PHF3: variants seen among roughly 807,000 people sequenced by gnomAD.
The protein encoded by PHF3 is PHD finger protein 3.
PHF3 carries 41 observed loss-of-function variants against 178.4 expected under a neutral mutation model. The observed-to-expected ratio is 0.23, with a 90% CI of 0.18 to 0.30. The LOEUF (loss-of-function observed/expected upper bound fraction) is 0.30. Ranked by LOEUF, PHF3 falls within the 10% of genes least tolerant of loss-of-function variation. PHF3 has a pLI of 1.00. For missense variants in PHF3, 2,346 were observed against 2,398.1 expected, an observed-to-expected ratio of 0.98 and a Z score of 0.45; for synonymous variants, 842 against 800.5, an observed-to-expected ratio of 1.05 and a Z score of -0.88.
rs1302875240 is a variant in PHF3 at position 63,721,552 on chromosome 6, A to G, written c.*7844A>G. On this transcript the variant is annotated 3_prime_UTR_variant, in exon 16 of 16. Transcript: ENST00000262043. The stretch of plus-strand genomic sequence containing the variant: ...ATGGGATTTACAAGATTTAAAGAAG[A>G]TACTCCTCCAATATAGAAGTCTGTA... 5 of 1,551,762 alleles carry G rather than the reference A, an allele frequency of 3.2e-6. No individual in the cohort carries two copies. Among genetic ancestry groups the G allele is most frequent in the Non-Finnish European group, 3.5e-6 (4 of 1,146,888 alleles).
At position 63,721,102 on chromosome 6, in the gene PHF3, G is replaced by C; in HGVS notation, c.*7394G>C. The C allele has an allele frequency of 6.4e-7, 1 of 1,551,304 alleles. No individual in the cohort carries two copies. Among genetic ancestry groups the C allele is most frequent in the Non-Finnish European group, 8.7e-7 (1 of 1,146,734 alleles). On this transcript the variant is annotated 3_prime_UTR_variant, in exon 16 of 16. Coordinates refer to ENST00000262043, the MANE Select transcript of PHF3 (RefSeq NM_001370348.2). ...TTTAAGGATATAGTAGTGAACTGGAGGTTTCTCATTCTATAATTTGGATCA... is the reference window on the plus strand; with the variant it reads ...TTTAAGGATATAGTAGTGAACTGGACGTTTCTCATTCTATAATTTGGATCA...
intron 2 of PHF3, among the ~76,000 whole-genome samples, chr6:63,668,416 C>T (rs774225969): frequency 2.0e-5 from 3 of 152,200 alleles, no homozygotes; most frequent in Non-Finnish European, 4.4e-5. Context: ...TCACTACAGC[C>T]TCGACCTCCT....
intron 2 of PHF3, among the ~76,000 whole-genome samples, chr6:63,661,497 G>A (rs954456400): frequency 2.0e-5 from 3 of 152,068 alleles, no homozygotes; most frequent in Non-Finnish European, 2.9e-5. Context: ...CACTAAAACT[G>A]GAAAGAAATT....
chr6:63,669,360 A>G (rs1765811774), intron 2 of PHF3, among the ~76,000 whole-genome samples: 1 of 152,194 alleles, frequency 6.6e-6, no homozygotes, highest in Non-Finnish European at 1.5e-5. Flanking sequence ...TTTTGTAGGT[A>G]AGGCTTTTGG....
rs1766734660 is a variant in PHF3 at position 63,686,945 on chromosome 6, G to A, written c.2189+1034G>A. 2.0e-5 allele frequency among the ~76,000 whole-genome samples: 3 copies of A among 152,148 alleles called. No homozygotes were observed. The South Asian group carries it at 6.2e-4, about 32-fold the overall frequency. ...GGAAAGGAGATGTTGGGGCTATTGT[G>A]TAAAATAAGTTTTATGTCAAAGTAT... On this transcript the variant is annotated intron_variant, in intron 4 of 15. Transcript: ENST00000262043.
chr6:63,657,935 G>C (rs1343630093), intron 2 of PHF3, among the ~76,000 whole-genome samples: 2 of 152,132 alleles, frequency 1.3e-5, no homozygotes, highest in Admixed American at 6.5e-5. Context: ...AGGTTATTTT[G>C]GGGAACCAGG....
intron 1 of PHF3, among the ~76,000 whole-genome samples, chr6:63,640,119 ATGTCT>A: frequency 6.6e-6 from 1 of 152,186 alleles, no homozygotes; most frequent in East Asian, 1.9e-4. Flanking sequence ...TTCTATAATG[ATGTCT>A]TGCCAATAGA....
At chr6:63,687,704 G>A (rs922053309) in intron 4 of PHF3, among the ~76,000 whole-genome samples, 10 of 152,186 alleles carry the variant, frequency 6.6e-5, no homozygotes, top group African/African-American at 2.2e-4. Flanking sequence ...GTCTTCAGGA[G>A]TTTGCCCAGG....
At chr6:63,686,847 T>C (rs528270482) in intron 4 of PHF3, among the ~76,000 whole-genome samples, 4 of 152,312 alleles carry the variant, frequency 2.6e-5, no homozygotes, top group Non-Finnish European at 5.9e-5. Context: ...AATGAAGCTC[T>C]TTAGGGAGGG....
At chr6:63,672,661 G>A (rs1228140967) in intron 2 of PHF3, among the ~76,000 whole-genome samples, 1 of 152,148 alleles carries the variant, frequency 6.6e-6, no homozygotes, top group Admixed American at 6.5e-5. Flanking sequence ...TACTGTTAAA[G>A]CAAACTAAAT....
intron 13 of PHF3, 64 bp from the exon 14 acceptor site, chr6:63,709,086 AT>A: frequency 1.3e-6 from 1 of 781,244 alleles, no homozygotes; most frequent in Non-Finnish European, 2.0e-6. Context: ...ATTTGTATGA[AT>A]TACTAATGTC....
chr6:63,641,534 G>T (rs12192145), intron 1 of PHF3, among the ~76,000 whole-genome samples: 1 of 62,092 alleles, frequency 1.6e-5, no homozygotes, highest in African/African-American at 9.2e-5. Context: ...GTGTATGTGT[G>T]TGTGTGTGTG....
intron 12 of PHF3, 32 bp from the exon 13 acceptor site, chr6:63,706,697 T>C: frequency 3.7e-6 from 6 of 1,604,578 alleles, no homozygotes; most frequent in Non-Finnish European, 5.1e-6. Flanking sequence ...ATTCATCAGC[T>C]TGTCTTTAGG....
In PHF3 at chr6:63,713,462, C is replaced by T; in HGVS notation, c.5874C>T (p.Asp1958=). ...ACAGAAGCCAAGACAAGGACAGAGA[C>T]AGAAAAAGCAGGGAGGAAGGGCACA... is the stretch of plus-strand genomic sequence containing the variant. ...RRDRSQDKDR[D]RKSREEGHKD... Residue 1958 remains aspartate (D), a synonymous_variant, in exon 16 of 16, where the codon GAC becomes GAT. Coordinates refer to ENST00000262043, the MANE Select transcript of PHF3 (RefSeq NM_001370348.2). 6.2e-7 allele frequency: 1 copy of T among 1,613,546 alleles called. No individual in the cohort carries two copies. Among genetic ancestry groups the T allele is most frequent in the Non-Finnish European group, 8.5e-7 (1 of 1,179,870 alleles).
chr6:63,713,745 T>C lies in PHF3; in HGVS notation c.*37T>C, dbSNP rs1768081145. 1 of 1,447,776 alleles carries C rather than the reference T, an allele frequency of 6.9e-7. No individual in the cohort carries two copies. Among genetic ancestry groups the C allele is most frequent in the South Asian group, 1.4e-5 (1 of 70,238 alleles). The allele number at this position is 1,447,776 out of a possible 1,614,324, so 89.7% of individuals were successfully genotyped here. A position where few individuals can be genotyped will look rare whatever the true frequency, so the allele number is the denominator to read the frequency against. Reference sequence around the variant, plus strand: ...TGCTTCAGGATTACATTTAAATAACTGTTAAAATGTTGTATCTTGTAAACA... The same window carrying C: ...TGCTTCAGGATTACATTTAAATAACCGTTAAAATGTTGTATCTTGTAAACA... On this transcript the variant is annotated 3_prime_UTR_variant, in exon 16 of 16. Transcript: ENST00000262043.
Position 63,714,240 on chromosome 6 carries a change from A to G in PHF3, c.*532A>G, listed in dbSNP as rs1768104750. On this transcript the variant is annotated 3_prime_UTR_variant, in exon 16 of 16. Transcript: ENST00000262043. ...CAAGAATCAGAAGCCCAAGGGGTAC[A>G]TTTATTGCTTTAATCTGCACTCATT... 1 of 152,984 alleles carries G rather than the reference A, an allele frequency of 6.5e-6. No individual in the cohort carries two copies. 9.5% of individuals were successfully genotyped at this position (152,984 alleles called of 1,614,324 possible).
At chr6:63,701,688 C>G (rs549093418) in intron 9 of PHF3, among the ~76,000 whole-genome samples, 1 of 152,144 alleles carries the variant, frequency 6.6e-6, no homozygotes, top group African/African-American at 2.4e-5. Flanking sequence ...TATCATACTT[C>G]TTCATACATT....
At position 63,717,946 on chromosome 6, in the gene PHF3, T is replaced by C. The variant is rs114735528; in HGVS notation, c.*4238T>C. Among the ~76,000 whole-genome samples the C allele has an allele frequency of 9.6e-4, 146 of 152,146 alleles. No homozygotes were observed. The highest frequency in any genetic ancestry group is 3.3e-3 in the African/African-American group (136 of 41,554). On this transcript the variant is annotated 3_prime_UTR_variant, in exon 16 of 16. Transcript: ENST00000262043. The stretch of plus-strand genomic sequence containing the variant: ...CACTTTGAGAAACCTCATACATTTA[T>C]AGTAAAATCTTAAAGGTCTTTCTGT...
chr6:63,663,124 ACT>A (rs1178574232), intron 2 of PHF3, among the ~76,000 whole-genome samples: 1 of 152,218 alleles, frequency 6.6e-6, no homozygotes, highest in Middle Eastern at 3.2e-3. Flanking sequence ...CCTCATAATT[ACT>A]AATTTTTTTC....
Sources: allele counts gnomAD v4.1 joint callset (sites outside exome capture counted in the v4.1 genomes callset), GRCh38; gene constraint gnomAD v4.1.1; transcripts MANE v1.5; gene names NCBI Gene and HGNC (gene_info 2026-07-23, HGNC 2026-07-21).